SLIT1: variants seen among roughly 807,000 people sequenced by gnomAD.
The protein encoded by SLIT1 is slit guidance ligand 1.
In SLIT1, 66 loss-of-function variants were observed where a neutral mutation model predicts 186.1. The ratio of observed to expected loss-of-function variants is 0.35; its 90% CI spans 0.29 to 0.44. The LOEUF (loss-of-function observed/expected upper bound fraction) is 0.44, where lower values mean the gene tolerates loss of function less well. SLIT1 is among the 20% of genes least tolerant of loss of function. The probability of loss-of-function intolerance (pLI) is 1.00; values close to 1 mark genes in which losing one functional copy is unlikely to be tolerated. For missense variants in SLIT1, 1,638 were observed against 2,037.4 expected, an observed-to-expected ratio of 0.80 and a Z score of 3.77; for synonymous variants, 761 against 833.8, an observed-to-expected ratio of 0.91 and a Z score of 1.50.
intron 4 of SLIT1, among the ~76,000 whole-genome samples, chr10:97,128,034 C>A (rs1165757778): frequency 6.6e-6 from 1 of 152,192 alleles, no homozygotes; most frequent in Non-Finnish European, 1.5e-5. Context: ...TGGGAACCCA[C>A]CATGCAGGGT....
At chr10:97,176,149 G>C (rs999674221) in intron 1 of SLIT1, among the ~76,000 whole-genome samples, 5 of 152,148 alleles carry the variant, frequency 3.3e-5, no homozygotes, top group African/African-American at 9.7e-5. Context: ...CCACTTACCA[G>C]CCTGCTGTTC....
Position 97,095,552 on chromosome 10 carries a change from G to A in SLIT1, c.414-29466C>T, listed in dbSNP as rs540293456. ...GAAAAAAGGGATAGGACTGAATCCCGTGCCAGGGAGATTCTTAGTGAGAAC... is the reference window on the plus strand; with the variant it reads ...GAAAAAAGGGATAGGACTGAATCCCATGCCAGGGAGATTCTTAGTGAGAAC... On this transcript the variant is annotated intron_variant, in intron 4 of 36. Transcript: ENST00000266058. Among the ~76,000 whole-genome samples, 17 of 152,304 alleles carry A rather than the reference G, an allele frequency of 1.1e-4. No homozygotes were observed. In the South Asian group the frequency reaches 2.7e-3, roughly 24 times the overall value.
At chr10:97,176,190 A>ACCTTCT (rs1261309001) in intron 1 of SLIT1, among the ~76,000 whole-genome samples, 1 of 152,080 alleles carries the variant, frequency 6.6e-6, no homozygotes, top group Non-Finnish European at 1.5e-5. Flanking sequence ...ATCTCTCTGA[A>ACCTTCT]CCTTCTCCTC....
intron 1 of SLIT1, among the ~76,000 whole-genome samples, chr10:97,169,133 G>A (rs1487218565): frequency 2.0e-5 from 3 of 152,070 alleles, no homozygotes; most frequent in African/African-American, 7.2e-5. Context: ...CAATGGCGCA[G>A]ACAGCAAGGC....
At chr10:97,030,243 G>T (rs1038484618) in intron 25 of SLIT1, among the ~76,000 whole-genome samples, 6 of 152,204 alleles carry the variant, frequency 3.9e-5, no homozygotes, top group Non-Finnish European at 8.8e-5. Context: ...GGTTTTGGAA[G>T]TAATTCTACA....
intron 4 of SLIT1, among the ~76,000 whole-genome samples, chr10:97,145,353 C>T (rs1161896061): frequency 1.3e-5 from 2 of 152,066 alleles, no homozygotes; most frequent in Non-Finnish European, 2.9e-5. Flanking sequence ...CCTGACCTCG[C>T]GACCCACCCT....
In SLIT1 at chr10:97,138,350, C is replaced by A. The variant is rs992904276; in HGVS notation, c.413+19468G>T. 7.2e-5 allele frequency among the ~76,000 whole-genome samples: 11 copies of A among 152,240 alleles called. No individual in the cohort carries two copies. In the East Asian group the frequency reaches 2.1e-3, roughly 29 times the overall value. ...TGCCTTCCGCAATGTACAGCTGACA[C>A]CTGCATTCACCTCCACTATCAACAG... On this transcript the variant is annotated intron_variant, in intron 4 of 36. Coordinates refer to ENST00000266058, the MANE Select transcript of SLIT1 (RefSeq NM_003061.3).
intron 25 of SLIT1, among the ~76,000 whole-genome samples, chr10:97,028,626 G>T (rs1231698416): frequency 1.3e-5 from 2 of 152,088 alleles, no homozygotes; most frequent in African/African-American, 2.4e-5. Flanking sequence ...CAGCATAAAT[G>T]GTACCTCCTC....
intron 14 of SLIT1, among the ~76,000 whole-genome samples, chr10:97,048,745 A>G (rs1222682201): frequency 6.6e-6 from 1 of 151,938 alleles, no homozygotes; most frequent in East Asian, 1.9e-4. Flanking sequence ...GCAGGCCGGC[A>G]GGGAGGCAGG....
At chr10:97,120,239 C>T (rs1849548951) in intron 4 of SLIT1, among the ~76,000 whole-genome samples, 1 of 152,030 alleles carries the variant, frequency 6.6e-6, no homozygotes, top group Admixed American at 6.5e-5. Context: ...CTCCCCACAG[C>T]CACTTCCCTG....
intron 4 of SLIT1, among the ~76,000 whole-genome samples, chr10:97,078,805 C>G (rs1394868708): frequency 6.6e-6 from 1 of 152,258 alleles, no homozygotes; most frequent in African/African-American, 2.4e-5. Context: ...TCCGGGCTTA[C>G]TCAACACCAG....
chr10:97,125,570 G>T (rs868392431), intron 4 of SLIT1, among the ~76,000 whole-genome samples: 3 of 151,608 alleles, frequency 2.0e-5, no homozygotes, highest in African/African-American at 7.3e-5. Flanking sequence ...CGGGCGCAGT[G>T]GCTCATGCCT....
intron 4 of SLIT1, among the ~76,000 whole-genome samples, chr10:97,077,959 A>T (rs562487088): frequency 4.6e-5 from 7 of 152,148 alleles, no homozygotes; most frequent in African/African-American, 1.7e-4. Flanking sequence ...GTTTTTAAAT[A>T]ATTAGCCAGG....
In SLIT1 at chr10:97,011,883, C is replaced by T. The variant is rs116717678; in HGVS notation, c.3204-753G>A. 7.7e-3 allele frequency among the ~76,000 whole-genome samples: 1,175 copies of T among 152,152 alleles called. 15 individuals carry two copies. Among genetic ancestry groups the T allele is most frequent in the African/African-American group, 0.027 (1,107 of 41,468 alleles). ...CCTGCATGGTCCAGCCAGCCCAATA[C>T]CTCACCTCCTCCAGGAAGCCTCTGG... On this transcript the variant is annotated intron_variant, in intron 30 of 36. Coordinates refer to ENST00000266058, the MANE Select transcript of SLIT1 (RefSeq NM_003061.3).
intron 4 of SLIT1, among the ~76,000 whole-genome samples, chr10:97,149,220 A>AT (rs1849849140): frequency 6.6e-6 from 1 of 152,222 alleles, no homozygotes; most frequent in South Asian, 2.1e-4. Context: ...TGGCGAGCAG[A>AT]TGTCAATCTG....
chr10:97,141,874 C>T (rs1025187596), intron 4 of SLIT1, among the ~76,000 whole-genome samples: 2 of 152,100 alleles, frequency 1.3e-5, no homozygotes, highest in African/African-American at 4.8e-5. Flanking sequence ...TTCACTGCAT[C>T]CCCAAACTCC....
At chr10:97,013,510 C>G (rs1182963126) in intron 30 of SLIT1, among the ~76,000 whole-genome samples, 1 of 152,168 alleles carries the variant, frequency 6.6e-6, no homozygotes, top group African/African-American at 2.4e-5. Flanking sequence ...TCAGAGCAGG[C>G]AAGTGACACA....
chr10:97,048,041 A>C, intron 14 of SLIT1, 45 bp from the exon 15 acceptor site: 1 of 1,607,594 alleles, frequency 6.2e-7, no homozygotes, highest in South Asian at 1.1e-5. Flanking sequence ...ATCAGCCAGG[A>C]CCTGCAGTAA....
chr10:97,119,945 A>ATATATATATG (rs1423950271), intron 4 of SLIT1, among the ~76,000 whole-genome samples: 27 of 135,546 alleles, frequency 2.0e-4, no homozygotes, highest in Non-Finnish European at 3.8e-4. Flanking sequence ...ATATATATAT[A>ATATATATATG]TGTATATGTA....
Sources: allele counts gnomAD v4.1 joint callset (sites outside exome capture counted in the v4.1 genomes callset), GRCh38; gene constraint gnomAD v4.1.1; transcripts MANE v1.5; gene names NCBI Gene and HGNC (gene_info 2026-07-23, HGNC 2026-07-21).